Variants in JAZF1 observed in about 807,000 individuals in gnomAD.
The protein encoded by JAZF1 is juxtaposed with another zinc finger protein 1.
A neutral mutation model predicts 26.4 loss-of-function variants in JAZF1; 8 were observed. The ratio of observed to expected loss-of-function variants is 0.30; its 90% confidence interval spans 0.18 to 0.55. The LOEUF is 0.55. Ranked by LOEUF, JAZF1 falls within the 20% of genes least tolerant of loss-of-function variation. JAZF1 has a pLI of 0.94. For missense variants in JAZF1, 199 were observed against 322.0 expected (o/e 0.62, Z 2.92); for synonymous variants, 126 against 122.3 (o/e 1.03, Z -0.20).
rs545250269 is a variant in JAZF1 at position 28,002,626 on chromosome 7, A to G, written c.116-10645T>C. 2.0e-5 allele frequency among the ~76,000 whole-genome samples: 3 copies of G among 152,260 alleles called. No individual in the cohort carries two copies. The South Asian group carries it at 6.2e-4, about 32-fold the overall frequency. ...GTCCATAAGGCGTTTTGAAACTAAAACTTGCATTGTTCTGGATTATTTCCA... is the reference window on the plus strand; with the variant it reads ...GTCCATAAGGCGTTTTGAAACTAAAGCTTGCATTGTTCTGGATTATTTCCA... On this transcript the variant is annotated intron_variant, in intron 1 of 4. Coordinates refer to ENST00000283928, the MANE Select transcript of JAZF1 (RefSeq NM_175061.4).
Position 28,035,340 on chromosome 7 carries a change from A to AAAAAAAAAAAAG in JAZF1, c.116-43360_116-43359insCTTTTTTTTTTT, listed in dbSNP as rs1562565710. On this transcript the variant is annotated intron_variant, in intron 1 of 4. Transcript: ENST00000283928. ...AAAAAAAAAAAAAAAAAAAAAAAAAAAAAGAAAGAAAGAAACAGGCCCAAT... is the reference window on the plus strand; with the variant it reads ...AAAAAAAAAAAAAAAAAAAAAAAAAAAAAAAAAAAAAGAAAGAAAGAAAGAAACAGGCCCAAT... Among the ~76,000 whole-genome samples, 10 of 145,422 alleles carry AAAAAAAAAAAAG rather than the reference A, an allele frequency of 6.9e-5. No homozygotes were observed. In the East Asian group the frequency reaches 1.1e-3, roughly 16 times the overall value.
At chr7:28,053,541 G>A (rs1487619398) in intron 1 of JAZF1, among the ~76,000 whole-genome samples, 1 of 152,182 alleles carries the variant, frequency 6.6e-6, no homozygotes, top group African/African-American at 2.4e-5. Flanking sequence ...TTTTACAGGA[G>A]TGTATTCAGG....
chr7:28,100,141 G>T (rs1784449996), intron 1 of JAZF1, among the ~76,000 whole-genome samples: 1 of 152,210 alleles, frequency 6.6e-6, no homozygotes, highest in Admixed American at 6.5e-5. Context: ...GGACAAAGCA[G>T]AAAGTTCTGA....
chr7:28,174,606 C>T (rs369098628), intron 1 of JAZF1, among the ~76,000 whole-genome samples: 141 of 152,292 alleles, frequency 9.3e-4, no homozygotes, highest in Middle Eastern at 3.4e-3. Context: ...CTGTACATTT[C>T]GGTCACATGT....
chr7:27,868,932 G>A lies in JAZF1; in HGVS notation c.385+26288C>T, dbSNP rs548122742. Among the ~76,000 whole-genome samples the A allele has an allele frequency of 3.9e-5, 6 of 152,232 alleles. No homozygotes were observed. In the South Asian group the frequency reaches 6.2e-4, roughly 16 times the overall value. ...TGGTCACACCAAGAATGAAAGGGAC[G>A]ATATTTTTCTTCCCCAGAATAGAGG... On this transcript the variant is annotated intron_variant, in intron 3 of 4. Transcript: ENST00000283928.
intron 3 of JAZF1, chr7:27,864,155 CT>C (rs1178553161): frequency 1.3e-5 from 2 of 152,242 alleles, no homozygotes; most frequent in African/African-American, 4.8e-5. Context: ...TGACTCACCC[CT>C]GGCTCCCTCA....
chr7:28,124,608 T>G (rs1782667655), intron 1 of JAZF1, among the ~76,000 whole-genome samples: 1 of 152,182 alleles, frequency 6.6e-6, no homozygotes, highest in East Asian at 1.9e-4. Context: ...TCCATGTCCT[T>G]TGCACTTTAC....
Position 27,832,990 on chromosome 7 carries a change from A to G in JAZF1, c.556-14T>C, listed in dbSNP as rs1285898385. ...GCCATTCACATTCTGTGGAGAAGAC[A>G]AAAATATTTATTACATGGATTCACA... is the stretch of plus-strand genomic sequence containing the variant. On this transcript the variant is annotated splice_polypyrimidine_tract_variant and intron_variant, in intron 4 of 4. Coordinates refer to ENST00000283928, the MANE Select transcript of JAZF1 (RefSeq NM_175061.4). The G allele has an allele frequency of 2.0e-6, 3 of 1,538,136 alleles. No homozygotes were observed. Among genetic ancestry groups the G allele is most frequent in the Non-Finnish European group, 2.6e-6 (3 of 1,138,064 alleles).
chr7:28,070,559 G>T (rs556179625), intron 1 of JAZF1, among the ~76,000 whole-genome samples: 1 of 152,328 alleles, frequency 6.6e-6, no homozygotes, highest in East Asian at 1.9e-4. Flanking sequence ...GCACGATCCT[G>T]CCCCATGTCC....
chr7:28,139,775 C>T (rs1001540183), intron 1 of JAZF1, among the ~76,000 whole-genome samples: 1 of 152,180 alleles, frequency 6.6e-6, no homozygotes, highest in East Asian at 1.9e-4. Context: ...TTCATTTAAT[C>T]ACATTTACTG....
intron 2 of JAZF1, among the ~76,000 whole-genome samples, chr7:27,907,840 G>A (rs149433980): frequency 1.2e-3 from 187 of 152,282 alleles, no homozygotes; most frequent in African/African-American, 4.3e-3. Flanking sequence ...CACACGAATC[G>A]ATTACAGCAC....
In JAZF1 at chr7:27,857,423, T is replaced by C. The variant is rs533696462; in HGVS notation, c.386-16556A>G. ...ACACCTCCCCACAAGCTGAGGAAGC[T>C]GGCTCTGGCCTTGGCCAGCCCAGAA... On this transcript the variant is annotated intron_variant, in intron 3 of 4. Coordinates refer to ENST00000283928, the MANE Select transcript of JAZF1 (RefSeq NM_175061.4). Among the ~76,000 whole-genome samples the C allele has an allele frequency of 1.1e-4, 17 of 152,308 alleles. No individual in the cohort carries two copies. The South Asian group carries it at 3.1e-3, about 28-fold the overall frequency.
At chr7:28,164,507 C>T (rs1460804298) in intron 1 of JAZF1, among the ~76,000 whole-genome samples, 1 of 152,164 alleles carries the variant, frequency 6.6e-6, no homozygotes, top group Non-Finnish European at 1.5e-5. Context: ...CAGATGTCCT[C>T]GGTAAAACAA....
rs191109137 is a variant in JAZF1, at chr7:27,944,877, C to A, written c.188+47032G>T. On this transcript the variant is annotated intron_variant, in intron 2 of 4. Transcript: ENST00000283928. ...AAGGGACAGAAAAAAAAAATTGGAT[C>A]ATTTGGCTTTGCAGGAAACCCCTTG... is the stretch of plus-strand genomic sequence containing the variant. 3.8e-3 allele frequency among the ~76,000 whole-genome samples: 584 copies of A among 152,242 alleles called. 8 individuals carry two copies. Among genetic ancestry groups the A allele is most frequent in the Middle Eastern group, 3.4e-3 (1 of 294 alleles).
intron 2 of JAZF1, among the ~76,000 whole-genome samples, chr7:27,925,715 T>C (rs986536287): frequency 6.6e-6 from 1 of 152,326 alleles, no homozygotes; most frequent in South Asian, 2.1e-4. Context: ...GCATGAGCCA[T>C]GTGCCCAGCC....
At chr7:28,011,514 GAAAGGT>G (rs1384256419) in intron 1 of JAZF1, among the ~76,000 whole-genome samples, 1 of 152,202 alleles carries the variant, frequency 6.6e-6, no homozygotes, top group African/African-American at 2.4e-5. Context: ...TGAGGAGGAA[GAAAGGT>G]GTCATGATGA....
chr7:27,958,397 T>C (rs561984706), intron 2 of JAZF1, among the ~76,000 whole-genome samples: 2 of 152,180 alleles, frequency 1.3e-5, no homozygotes, highest in African/African-American at 4.8e-5. Flanking sequence ...ACATAACCAG[T>C]TCTAAGTTAA....
intron 1 of JAZF1, among the ~76,000 whole-genome samples, chr7:28,043,275 C>T (rs1411436973): frequency 1.3e-5 from 2 of 152,186 alleles, no homozygotes; most frequent in Non-Finnish European, 2.9e-5. Context: ...TCTCCAAGAA[C>T]ATGAGCTCTT....
chr7:27,941,100 A>C (rs1486243739), intron 2 of JAZF1, among the ~76,000 whole-genome samples: 1 of 152,228 alleles, frequency 6.6e-6, no homozygotes, highest in Non-Finnish European at 1.5e-5. Context: ...GCACGCCTTC[A>C]AGATGCACAA....
Sources: gnomAD v4.1 joint callset for allele counts (sites outside exome capture counted in the v4.1 genomes callset) on GRCh38, gnomAD v4.1.1 for gene constraint, MANE v1.5 for transcripts, NCBI Gene and HGNC (gene_info 2026-07-23, HGNC 2026-07-21) for gene names.